TSPAN15: variants seen among roughly 807,000 people sequenced by gnomAD.
The protein encoded by TSPAN15 is tetraspanin-15.
TSPAN15 carries 20 observed loss-of-function variants against 34.5 expected under a neutral mutation model. The ratio of observed to expected loss-of-function variants is 0.58; its 90% CI spans 0.41 to 0.84. The LOEUF is 0.84. Ranked by LOEUF, TSPAN15 falls within the 40% of genes least tolerant of loss-of-function variation. The pLI is 0.00. For missense variants in TSPAN15, 313 were observed against 386.1 expected, an observed-to-expected ratio of 0.81 and a Z score of 1.59; for synonymous variants, 155 against 153.9, an observed-to-expected ratio of 1.01 and a Z score of -0.05.
At chr10:69,538,850 A>G in the TSPAN15 span, among the ~76,000 whole-genome samples, 1 of 152,184 alleles carries the variant, frequency 6.6e-6, no homozygotes, top group Non-Finnish European at 1.5e-5. Context: ...AGCTAGATTA[A>G]CTTACCCTGC....
the TSPAN15 span, among the ~76,000 whole-genome samples, chr10:69,518,101 C>T: frequency 6.6e-6 from 1 of 152,184 alleles, no homozygotes; most frequent in Non-Finnish European, 1.5e-5. Context: ...ACAGAGAATA[C>T]TTCTATTAGA....
rs1428600589 is a variant in TSPAN15, at chr10:69,485,220, G to T, written c.357+5G>T. ...GCCTTGACCTTCCGGAACCAGGTGG[G>T]CCTGTGGATTTGTGTATCGGCCATG... On this transcript the variant is annotated splice_donor_5th_base_variant and intron_variant, in intron 3 of 7. Transcript: ENST00000373290. The T allele has an allele frequency of 2.5e-6, 4 of 1,613,888 alleles. No individual in the cohort carries two copies. The South Asian group carries it at 3.3e-5, about 13-fold the overall frequency.
chr10:69,453,538 T>C (rs1564594503), intron 1 of TSPAN15, among the ~76,000 whole-genome samples: 1 of 152,170 alleles, frequency 6.6e-6, no homozygotes. Context: ...TCCCCAGATA[T>C]ATAATCACAA....
At chr10:69,519,896 C>G in the TSPAN15 span, among the ~76,000 whole-genome samples, 1 of 152,120 alleles carries the variant, frequency 6.6e-6, no homozygotes, top group Non-Finnish European at 1.5e-5. Context: ...CCACACCCGG[C>G]TAATTTTGTA....
At chr10:69,537,140 T>G in the TSPAN15 span, among the ~76,000 whole-genome samples, 4 of 152,056 alleles carry the variant, frequency 2.6e-5, no homozygotes, top group Non-Finnish European at 5.9e-5. Flanking sequence ...GGTGGGGTAG[T>G]TGGGAATTCA....
chr10:69,501,395 T>C (rs1265786446), intron 5 of TSPAN15, among the ~76,000 whole-genome samples: 1 of 152,224 alleles, frequency 6.6e-6, no homozygotes, highest in Non-Finnish European at 1.5e-5. Context: ...TGAGTCTCCC[T>C]GTGCCACCAC....
chr10:69,533,190 T>C, the TSPAN15 span, among the ~76,000 whole-genome samples: 1 of 152,106 alleles, frequency 6.6e-6, no homozygotes, highest in Admixed American at 6.6e-5. Flanking sequence ...AAAGAAGTCA[T>C]TATATGAAAA....
chr10:69,470,567 C>T (rs1054523591), intron 1 of TSPAN15, among the ~76,000 whole-genome samples: 1 of 152,186 alleles, frequency 6.6e-6, no homozygotes, highest in African/African-American at 2.4e-5. Flanking sequence ...CTCCCACCTG[C>T]ATCTCCCAGT....
At chr10:69,464,642 G>C (rs1841344019) in intron 1 of TSPAN15, among the ~76,000 whole-genome samples, 1 of 152,220 alleles carries the variant, frequency 6.6e-6, no homozygotes, top group African/African-American at 2.4e-5. Flanking sequence ...GACAGCTTCA[G>C]AACAGGAGCG....
rs930998856 is a variant in TSPAN15 at position 69,494,892 on chromosome 10, A to G, written c.358-702A>G. Reference sequence around the variant, plus strand: ...GGGGCCCTTTGTGCTTCTGGGTCTCAGCACAACAGCCGGGCTGTTGATCCA... The same window carrying G: ...GGGGCCCTTTGTGCTTCTGGGTCTCGGCACAACAGCCGGGCTGTTGATCCA... On this transcript the variant is annotated intron_variant, in intron 3 of 7. Transcript: ENST00000373290. 12 of 982,246 alleles carry G rather than the reference A, an allele frequency of 1.2e-5. No individual in the cohort carries two copies. In the South Asian group the frequency reaches 3.3e-4, roughly 27 times the overall value. 60.8% of individuals were successfully genotyped at this position (982,246 alleles called of 1,614,324 possible).
At chr10:69,491,530 T>TTGTGTGTGTTTG (rs76324362) in intron 3 of TSPAN15, among the ~76,000 whole-genome samples, 149,389 of 151,620 alleles carry the variant, frequency 0.99, 73,634 homozygotes, top group African/African-American at 1. Context: ...GCCTGGATAA[T>TTGTGTGTGTTTG]TGTGTGTGTT....
intron 3 of TSPAN15, among the ~76,000 whole-genome samples, chr10:69,486,761 G>C (rs1841862733): frequency 6.6e-6 from 1 of 152,230 alleles, no homozygotes; most frequent in African/African-American, 2.4e-5. Flanking sequence ...GACCACACCA[G>C]TTCTGCTGGG....
At chr10:69,497,411 G>C (rs1324839185) in intron 4 of TSPAN15, among the ~76,000 whole-genome samples, 2 of 152,194 alleles carry the variant, frequency 1.3e-5, no homozygotes, top group Non-Finnish European at 2.9e-5. Flanking sequence ...CTCCGCACCT[G>C]CTGCTGAAAT....
chr10:69,480,313 C>A (rs2133105298), intron 1 of TSPAN15, among the ~76,000 whole-genome samples: 1 of 151,728 alleles, frequency 6.6e-6, no homozygotes, highest in African/African-American at 2.4e-5. Flanking sequence ...TCAGCTGTCC[C>A]CATCCTGCCA....
At chr10:69,499,528 C>T (rs1842158192) in intron 5 of TSPAN15, among the ~76,000 whole-genome samples, 1 of 152,030 alleles carries the variant, frequency 6.6e-6, no homozygotes, top group Admixed American at 6.5e-5. Flanking sequence ...GGAAGCCAAA[C>T]TTGTATTCAT....
rs995138899 is a variant in TSPAN15 at position 69,489,278 on chromosome 10, C to G, written c.357+4063C>G. Among the ~76,000 whole-genome samples, 5 of 152,300 alleles carry G rather than the reference C, an allele frequency of 3.3e-5. No individual in the cohort carries two copies. The East Asian group carries it at 9.7e-4, about 29-fold the overall frequency. On this transcript the variant is annotated intron_variant, in intron 3 of 7. Transcript: ENST00000373290. Reference sequence around the variant, plus strand: ...GGCAGTCAGACCTTATGGTTGTCTTCCCTTGTTCCCTGAAAATCGCTGTTA... The same window carrying G: ...GGCAGTCAGACCTTATGGTTGTCTTGCCTTGTTCCCTGAAAATCGCTGTTA...
intron 1 of TSPAN15, among the ~76,000 whole-genome samples, chr10:69,451,908 C>G (rs12413523): frequency 0.23 from 34,307 of 152,180 alleles, 3,893 homozygotes; most frequent in Non-Finnish European, 0.25. Flanking sequence ...TGTCGACCGA[C>G]CGAGTGCCAC....
chr10:69,463,354 C>A (rs1252786801), intron 1 of TSPAN15, among the ~76,000 whole-genome samples: 2 of 152,128 alleles, frequency 1.3e-5, no homozygotes, highest in Non-Finnish European at 2.9e-5. Flanking sequence ...AGGTGGTGGT[C>A]TATCTCTACT....
intron 2 of TSPAN15, 82 bp from the exon 3 acceptor site, chr10:69,485,059 C>T (rs1187165513): frequency 7.5e-6 from 10 of 1,341,472 alleles, no homozygotes; most frequent in African/African-American, 4.3e-5. Context: ...TGTGCTTGCT[C>T]TTGGAGCAGA....
Sources: allele counts gnomAD v4.1 joint callset (sites outside exome capture counted in the v4.1 genomes callset), GRCh38; gene constraint gnomAD v4.1.1; transcripts MANE v1.5; gene names NCBI Gene and HGNC (gene_info 2026-07-23, HGNC 2026-07-21).